Variants in STK3 observed in about 807,000 individuals in gnomAD.
STK3 encodes the protein serine/threonine-protein kinase 3.
In STK3, 41 loss-of-function variants were observed where a neutral mutation model predicts 58.0. The ratio of observed to expected loss-of-function variants is 0.71; its 90% CI spans 0.55 to 0.92. The LOEUF (loss-of-function observed/expected upper bound fraction) is 0.92. Among genes scored for constraint, STK3 ranks in the 40% least tolerant of loss-of-function variants. The pLI is 0.00. For synonymous variants in STK3, 170 were observed against 191.0 expected (o/e 0.89, Z 0.91); for missense variants, 479 against 602.7 (o/e 0.79, Z 2.15).
chr8:98,565,589 C>G (rs998747721), intron 8 of STK3, among the ~76,000 whole-genome samples: 1 of 152,078 alleles, frequency 6.6e-6, no homozygotes, highest in African/African-American at 2.4e-5. Context: ...AAAATAGCAT[C>G]ATTTATTCAA....
rs61671053 is a variant in STK3 at position 98,817,453 on chromosome 8, CAAAAA to C, written c.26+8057_26+8061del. Among the ~76,000 whole-genome samples the C allele has an allele frequency of 8.5e-5, 11 of 128,964 alleles. No individual in the cohort carries two copies. In the East Asian group the frequency reaches 1.3e-3, roughly 16 times the overall value. The allele number at this position is 128,964 out of a possible 152,430, so 84.6% of individuals were successfully genotyped here. On this transcript the variant is annotated intron_variant, in intron 1 of 10. Coordinates refer to ENST00000419617, the MANE Select transcript of STK3 (RefSeq NM_006281.4). Reference sequence around the variant, plus strand: ...TGGGCGACAGAGCAAGACTCCATCTCAAAAAAAAAAAAAAAATAGAAATCAGTGTG... The same window carrying C: ...TGGGCGACAGAGCAAGACTCCATCTCAAAAAAAAAAATAGAAATCAGTGTG...
At chr8:98,393,989 C>A (rs1817872806) in intron 3 of STK3, among the ~76,000 whole-genome samples, 1 of 152,154 alleles carries the variant, frequency 6.6e-6, no homozygotes, top group Non-Finnish European at 1.5e-5. Context: ...ATTTGTCTAC[C>A]ATTTCTTGGG....
chr8:98,540,077 A>G (rs1041657229), intron 9 of STK3, among the ~76,000 whole-genome samples: 5 of 152,124 alleles, frequency 3.3e-5, no homozygotes, highest in African/African-American at 1.2e-4. Context: ...TTAATACAAC[A>G]TGGTCTCCAC....
chr8:98,423,208 C>T (rs1008512972), intron 3 of STK3, among the ~76,000 whole-genome samples: 2 of 152,260 alleles, frequency 1.3e-5, no homozygotes, highest in African/African-American at 4.8e-5. Flanking sequence ...TATTCAATAA[C>T]TATTTAATAT....
intron 4 of STK3, among the ~76,000 whole-genome samples, chr8:98,740,791 C>A (rs943903208): frequency 2.6e-5 from 4 of 152,132 alleles, no homozygotes; most frequent in African/African-American, 9.7e-5. Context: ...TTAAAAGATA[C>A]AGACTGGCAA....
chr8:98,658,466 A>G (rs907432181), intron 6 of STK3, among the ~76,000 whole-genome samples: 9 of 152,094 alleles, frequency 5.9e-5, no homozygotes, highest in Admixed American at 5.2e-4. Context: ...CTGAGAGATC[A>G]AAAGGCAACC....
At chr8:98,346,284 CAA>C in the STK3 span, among the ~76,000 whole-genome samples, 723 of 118,134 alleles carry the variant, frequency 6.1e-3, 7 homozygotes, top group South Asian at 0.043. Flanking sequence ...GACTCCGTCT[CAA>C]AAAAAAAAAA....
chr8:98,769,129 G>A (rs931793804), intron 2 of STK3, among the ~76,000 whole-genome samples: 1 of 152,210 alleles, frequency 6.6e-6, no homozygotes, highest in Non-Finnish European at 1.5e-5. Context: ...AGTACATACA[G>A]TAGCTTATCT....
intron 8 of STK3, among the ~76,000 whole-genome samples, chr8:98,572,388 T>C (rs1207712858): frequency 2.6e-5 from 4 of 152,142 alleles, no homozygotes; most frequent in African/African-American, 9.7e-5. Context: ...ATTTTACTTT[T>C]ATGAAAAAGA....
intron 1 of STK3, among the ~76,000 whole-genome samples, chr8:98,381,644 G>A (rs1430250248): frequency 6.6e-6 from 1 of 152,174 alleles, no homozygotes; most frequent in Non-Finnish European, 1.5e-5. Context: ...TCTATTGTCC[G>A]TCACTTAACT....
At chr8:98,539,808 C>T (rs1810083041) in intron 9 of STK3, among the ~76,000 whole-genome samples, 2 of 152,070 alleles carry the variant, frequency 1.3e-5, no homozygotes, top group Non-Finnish European at 2.9e-5. Flanking sequence ...GGCTGGAGTG[C>T]TGTTGCGGGA....
intron 6 of STK3, among the ~76,000 whole-genome samples, chr8:98,684,155 C>A (rs950590962): frequency 6.6e-6 from 1 of 152,080 alleles, no homozygotes; most frequent in Non-Finnish European, 1.5e-5. Flanking sequence ...AACTGTTTTT[C>A]ATCATTAGAA....
intron 10 of STK3, among the ~76,000 whole-genome samples, chr8:98,505,260 T>C (rs1350686811): frequency 6.6e-6 from 1 of 152,218 alleles, no homozygotes; most frequent in Non-Finnish European, 1.5e-5. Context: ...TAAGGTCTTC[T>C]CTACATGTTT....
chr8:98,776,011 G>T (rs559864483), intron 1 of STK3, among the ~76,000 whole-genome samples: 1 of 152,256 alleles, frequency 6.6e-6, no homozygotes, highest in East Asian at 1.9e-4. Flanking sequence ...AGCAACTGCT[G>T]ATCATGAAGA....
chr8:98,701,644 A>G lies in STK3; in HGVS notation c.684+4823T>C, dbSNP rs1304778851. Among the ~76,000 whole-genome samples the G allele has an allele frequency of 2.0e-5, 3 of 151,048 alleles. No individual in the cohort carries two copies. The East Asian group carries it at 5.8e-4, about 29-fold the overall frequency. ...CTCAAAAAAAAATATATATATATAT[A>G]TATCTATACACACACATATATATAC... On this transcript the variant is annotated intron_variant, in intron 6 of 10. Coordinates refer to ENST00000419617, the MANE Select transcript of STK3 (RefSeq NM_006281.4).
At chr8:98,898,517 T>G (rs1401106293) in intron 1 of STK3, among the ~76,000 whole-genome samples, 1 of 152,190 alleles carries the variant, frequency 6.6e-6, no homozygotes, top group African/African-American at 2.4e-5. Flanking sequence ...AGGTGTGGCA[T>G]AACCTACAGC....
exon 3 of STK3, chr8:98,371,656 A>C (rs1261198340): frequency 1.3e-5 from 2 of 152,250 alleles, no homozygotes; most frequent in Non-Finnish European, 2.9e-5. Flanking sequence ...CTTCAGTCAC[A>C]AAGCTAGGGA....
chr8:98,674,897 G>T (rs966753721), intron 6 of STK3, among the ~76,000 whole-genome samples: 1 of 152,044 alleles, frequency 6.6e-6, no homozygotes, highest in African/African-American at 2.4e-5. Context: ...TTCCTGTCGG[G>T]AATGGTAACT....
At chr8:98,858,345 G>GAGAGAGAC (rs1564065928) in intron 3 of STK3, among the ~76,000 whole-genome samples, 5 of 134,662 alleles carry the variant, frequency 3.7e-5, no homozygotes, top group Non-Finnish European at 6.4e-5. Context: ...GAGAGAGAGA[G>GAGAGAGAC]AGAGAGAGAG....
Sources: gnomAD v4.1 joint callset for allele counts (sites outside exome capture counted in the v4.1 genomes callset) on GRCh38, gnomAD v4.1.1 for gene constraint, MANE v1.5 for transcripts, NCBI Gene and HGNC (gene_info 2026-07-23, HGNC 2026-07-21) for gene names.